The following DNMBP variants were observed in gnomAD, a reference collection of about 807,000 sequenced individuals.
DNMBP encodes the protein dynamin-binding protein.
Under a neutral mutation model 150.0 loss-of-function variants are expected in DNMBP, and 87 were observed. The observed-to-expected ratio is 0.58, with a 90% CI of 0.49 to 0.69. The LOEUF (loss-of-function observed/expected upper bound fraction) is 0.69. DNMBP is among the 30% of genes least tolerant of loss of function. The pLI is 0.00. For synonymous variants in DNMBP, 711 were observed against 750.4 expected, an observed-to-expected ratio of 0.95 and a Z score of 0.86; for missense variants, 1,774 against 1,949.0, an observed-to-expected ratio of 0.91 and a Z score of 1.69.
chr10:99,896,994 G>C (rs2039665778), intron 9 of DNMBP, among the ~76,000 whole-genome samples: 3 of 152,198 alleles, frequency 2.0e-5, no homozygotes. Context: ...CCAAGGGAAA[G>C]GGCTGGATGA....
chr10:99,896,111 T>C (rs772815285), intron 10 of DNMBP, among the ~76,000 whole-genome samples, 156 bp downstream of exon 10: 38 of 152,188 alleles, frequency 2.5e-4, no homozygotes, highest in Non-Finnish European at 5.4e-4. Flanking sequence ...AATTTGCCTT[T>C]GTAACCAGCA....
intron 1 of DNMBP, among the ~76,000 whole-genome samples, chr10:99,988,575 G>C (rs1217760035): frequency 6.6e-6 from 1 of 152,106 alleles, no homozygotes; most frequent in Admixed American, 6.6e-5. Context: ...AAAGATCAGT[G>C]CATCATTTAA....
chr10:100,004,311 T>C (rs1038178569), intron 1 of DNMBP, among the ~76,000 whole-genome samples: 3 of 151,674 alleles, frequency 2.0e-5, no homozygotes, highest in South Asian at 2.1e-4. Context: ...GGTAAACTTA[T>C]TCCAAATTTT....
In DNMBP at chr10:99,984,903, C is replaced by CA. The variant is rs528438824; in HGVS notation, c.-10-12770dup. On this transcript the variant is annotated intron_variant, in intron 1 of 16. Coordinates refer to ENST00000324109, the MANE Select transcript of DNMBP (RefSeq NM_015221.4). ...CCCCCACACCCAGATAATGAATTTA[C>CA]AAATTTTTCCCTTTTTTGTGTACAG... Among the ~76,000 whole-genome samples, 63 of 152,190 alleles carry CA rather than the reference C, an allele frequency of 4.1e-4. No individual in the cohort carries two copies. In the East Asian group the frequency reaches 0.01, roughly 25 times the overall value.
At chr10:99,989,452 T>A (rs1056335809) in intron 1 of DNMBP, among the ~76,000 whole-genome samples, 9 of 152,188 alleles carry the variant, frequency 5.9e-5, no homozygotes, top group Admixed American at 5.2e-4. Context: ...GGCTCACGCC[T>A]GTAATCCCAG....
chr10:99,942,359 C>T (rs1664860741), intron 4 of DNMBP, among the ~76,000 whole-genome samples: 1 of 152,214 alleles, frequency 6.6e-6, no homozygotes, highest in African/African-American at 2.4e-5. Context: ...CTCGAGATCA[C>T]TGCCTGGAAT....
At position 99,884,018 on chromosome 10, in the gene DNMBP, G is replaced by GTCAA; in HGVS notation, c.3986_3989dup (p.Asn1331Ter). The GTCAA allele has an allele frequency of 6.2e-7, 1 of 1,612,516 alleles. No individual in the cohort carries two copies. The highest frequency in any genetic ancestry group is 8.5e-7 in the Non-Finnish European group (1 of 1,179,668). ...GCTGCTTAAAATTCTTACCTCCATT[G>GTCAA]TCAATCAGCCAGCGGTTCTGGCTGC... On this transcript the variant is annotated stop_gained and frameshift_variant, in exon 15 of 17. Coordinates refer to ENST00000324109, the MANE Select transcript of DNMBP (RefSeq NM_015221.4). LOFTEE classifies it high-confidence loss of function.
intron 3 of DNMBP, among the ~76,000 whole-genome samples, chr10:99,966,736 A>G (rs1349962811): frequency 6.6e-6 from 1 of 152,230 alleles, no homozygotes; most frequent in Non-Finnish European, 1.5e-5. Context: ...GAAGTGTAAG[A>G]AACTCTCAAA....
In DNMBP at chr10:99,929,632, C is replaced by T. The variant is rs141253564; in HGVS notation, c.2261-20486G>A. 0.017 allele frequency: 11,835 copies of T among 687,158 alleles called. 187 individuals carry two copies. Among genetic ancestry groups the T allele is most frequent in the Middle Eastern group, 0.066 (280 of 4,212 alleles). The allele number at this position is 687,158 out of a possible 1,614,324, so 42.6% of individuals were successfully genotyped here. A position where few individuals can be genotyped will look rare whatever the true frequency, so the allele number is the denominator to read the frequency against. On this transcript the variant is annotated intron_variant, in intron 4 of 16. Transcript: ENST00000324109. ...CCTTGGGTTTTCTTGCTGTTTTGCA[C>T]GAACTCTGAGCGCCTCAGGGTGCTG...
In DNMBP at chr10:99,885,676, TC is replaced by T; in HGVS notation, c.3798+10del. 6.4e-7 allele frequency: 1 copy of T among 1,555,324 alleles called. No homozygotes were observed. ...CCGAGGCGGGGCTGCTGCTCTCAGT[TC>T]CCTACTCACCAGGCCCAGGAGTGGC... is the stretch of plus-strand genomic sequence containing the variant. On this transcript the variant is annotated intron_variant, in intron 14 of 16. Coordinates refer to ENST00000324109, the MANE Select transcript of DNMBP (RefSeq NM_015221.4).
intron 1 of DNMBP, among the ~76,000 whole-genome samples, chr10:99,994,717 T>C (rs1431540587): frequency 6.6e-6 from 1 of 152,178 alleles, no homozygotes; most frequent in Non-Finnish European, 1.5e-5. Context: ...GGATATGAAA[T>C]CAATTTACTG....
In DNMBP at chr10:99,886,655, T is replaced by C. The variant is rs370053134; in HGVS notation, c.3286-23A>G. On this transcript the variant is annotated intron_variant, in intron 12 of 16. Coordinates refer to ENST00000324109, the MANE Select transcript of DNMBP (RefSeq NM_015221.4). ...CTTCTGTAGGGACGAGAAAGGCACA[T>C]TGCTCAGCTGGACAGCATCCCACAT... The C allele has an allele frequency of 6.3e-6, 10 of 1,597,530 alleles. No homozygotes were observed. In the African/African-American group the frequency reaches 6.7e-5, roughly 11 times the overall value.
At chr10:99,890,095 T>C (rs1263864638) in intron 11 of DNMBP, among the ~76,000 whole-genome samples, 1 of 152,214 alleles carries the variant, frequency 6.6e-6, no homozygotes, top group Non-Finnish European at 1.5e-5. Context: ...GTCTTTAATA[T>C]TTATATCTGT....
intron 3 of DNMBP, among the ~76,000 whole-genome samples, chr10:99,968,349 C>T (rs770315063): frequency 2.6e-5 from 4 of 151,916 alleles, no homozygotes; most frequent in South Asian, 2.1e-4. Flanking sequence ...TTTCTCCCTC[C>T]GCCCACGCCC....
chr10:99,997,961 G>A lies in DNMBP; in HGVS notation c.-11+11877C>T, dbSNP rs186317587. ...AAAAAAAAAAAAAAAAAAGCTGGACGCGGTGGCTCACACCTGTAATCCCCA... is the reference window on the plus strand; with the variant it reads ...AAAAAAAAAAAAAAAAAAGCTGGACACGGTGGCTCACACCTGTAATCCCCA... On this transcript the variant is annotated intron_variant, in intron 1 of 16. Transcript: ENST00000324109. Among the ~76,000 whole-genome samples, 868 of 135,948 alleles carry A rather than the reference G, an allele frequency of 6.4e-3. 30 individuals carry two copies. The highest frequency in any genetic ancestry group is 0.022 in the African/African-American group (781 of 34,778). 89.2% of individuals were successfully genotyped at this position (135,948 alleles called of 152,430 possible). A position where few individuals can be genotyped will look rare whatever the true frequency, so the allele number is the denominator to read the frequency against.
chr10:99,922,502 G>A (rs1407760852), intron 4 of DNMBP, among the ~76,000 whole-genome samples: 1 of 78,774 alleles, frequency 1.3e-5, no homozygotes, highest in East Asian at 3.9e-4. Flanking sequence ...AGCTGCTGCT[G>A]TTTTTTTTTT....
chr10:99,915,109 ATATATAT>A (rs1204469016), intron 4 of DNMBP, among the ~76,000 whole-genome samples: 7 of 53,816 alleles, frequency 1.3e-4, no homozygotes, highest in African/African-American at 5.3e-4. Flanking sequence ...AAAAAAAAAA[ATATATAT>A]ATATATATAT....
chr10:99,948,679 A>G (rs1167852183), intron 4 of DNMBP, among the ~76,000 whole-genome samples: 1 of 152,066 alleles, frequency 6.6e-6, no homozygotes, highest in Admixed American at 6.6e-5. Flanking sequence ...AATAAAAACC[A>G]AAGCTGGGCA....
At chr10:99,906,312 A>G (rs1041160275) in intron 6 of DNMBP, among the ~76,000 whole-genome samples, 9 of 152,100 alleles carry the variant, frequency 5.9e-5, no homozygotes, top group Admixed American at 3.9e-4. Flanking sequence ...GCTCTGGAAA[A>G]GGTTTGCAAA....
Sources: gnomAD v4.1 joint callset for allele counts (sites outside exome capture counted in the v4.1 genomes callset) on GRCh38, gnomAD v4.1.1 for gene constraint, MANE v1.5 for transcripts, NCBI Gene and HGNC (gene_info 2026-07-23, HGNC 2026-07-21) for gene names.